The following KCTD1 variants were observed in gnomAD, a reference collection of about 807,000 sequenced individuals.
The protein encoded by KCTD1 is potassium channel tetramerization domain containing 1.
In KCTD1, 24 loss-of-function variants were observed where a neutral mutation model predicts 66.0. The ratio of observed to expected loss-of-function variants is 0.36; its 90% confidence interval spans 0.26 to 0.51. KCTD1 has a LOEUF of 0.51. Among genes scored for constraint, KCTD1 ranks in the 20% least tolerant of loss-of-function variants. The probability of loss-of-function intolerance (pLI) is 0.95; values close to 1 mark genes in which losing one functional copy is unlikely to be tolerated. For missense variants in KCTD1, 943 were observed against 1,205.2 expected (o/e 0.78, Z 3.22); for synonymous variants, 511 against 517.2 (o/e 0.99, Z 0.16).
At chr18:26,568,096 G>A (rs1986024253) in intron 1 of KCTD1, among the ~76,000 whole-genome samples, 3 of 152,066 alleles carry the variant, frequency 2.0e-5, no homozygotes, top group Admixed American at 2.0e-4. Flanking sequence ...ACTTAATGAA[G>A]CAAGATTAAT....
chr18:26,455,811 G>C lies in KCTD1; in HGVS notation c.2530C>G (p.Arg844Gly). 6.2e-7 allele frequency: 1 copy of C among 1,614,172 alleles called. No individual in the cohort carries two copies. Among genetic ancestry groups the C allele is most frequent in the Non-Finnish European group, 8.5e-7 (1 of 1,180,036 alleles). Residue 844 changes from arginine to glycine, a missense_variant, in exon 5 of 5, where the codon CGG becomes GGG. Physicochemically the swap from Arg to Gly is moderately radical, Grantham distance 125. Around this residue, in one of 10 missense-constraint regions of KCTD1, gnomAD observed 162 missense variants for 232.4 expected, o/e 0.70. Transcript: ENST00000580059. ...CGGGGCGTCCGCCTCAGTTCCCGCCGAAGGACGTATTCGCTGAACTGGGAC... is the reference window on the plus strand; with the variant it reads ...CGGGGCGTCCGCCTCAGTTCCCGCCCAAGGACGTATTCGCTGAACTGGGAC... Reference protein sequence around the residue: ...DSSQFSEYVLRRELRRTPRVP... With the variant: ...DSSQFSEYVLGRELRRTPRVP...
chr18:26,631,552 T>C (rs960195246), upstream of KCTD1, among the ~76,000 whole-genome samples: 2 of 152,156 alleles, frequency 1.3e-5, no homozygotes, highest in Non-Finnish European at 2.9e-5. Context: ...TGAAGCATCA[T>C]TATACAATGC....
rs753208387 is a variant in KCTD1 at position 26,546,904 on chromosome 18, C to T, written c.1633G>A (p.Glu545Lys). Residue 545 changes from glutamate (E) to lysine (K), a missense_variant, in exon 1 of 5, where the codon GAA (glutamate) becomes AAA (lysine). Physicochemically the swap from Glu to Lys is moderately conservative, Grantham distance 56. Coordinates refer to ENST00000580059, the MANE Select transcript of KCTD1 (RefSeq NM_001142730.3). ...TTGGGGGAAGTGGGGCCGCAGATTT[C>T]CCCCGACCCGAACACAGACTCGTAC... ...ALYESVFGSG[E>K]ICGPTSPKRL... 47 of 1,483,530 alleles carry T rather than the reference C, an allele frequency of 3.2e-5. No homozygotes were observed. The East Asian group carries it at 4.7e-4, about 15-fold the overall frequency. 91.9% of individuals were successfully genotyped at this position (1,483,530 alleles called of 1,614,324 possible).
chr18:26,619,054 T>C (rs1241539674), intron 1 of KCTD1, among the ~76,000 whole-genome samples: 2 of 152,246 alleles, frequency 1.3e-5, no homozygotes, highest in Non-Finnish European at 2.9e-5. Flanking sequence ...TTTGGCAGAA[T>C]TAGCATGATT....
At chr18:26,507,629 C>T (rs567512206) in intron 1 of KCTD1, among the ~76,000 whole-genome samples, 6 of 152,002 alleles carry the variant, frequency 3.9e-5, no homozygotes, top group African/African-American at 7.3e-5. Flanking sequence ...AAATGCCTTA[C>T]GACCCCTCAC....
intron 1 of KCTD1, among the ~76,000 whole-genome samples, chr18:26,520,454 T>C (rs1446791793): frequency 6.6e-6 from 1 of 152,240 alleles, no homozygotes; most frequent in African/African-American, 2.4e-5. Context: ...GTATAATCCT[T>C]GCTTTTTAAT....
intron 2 of KCTD1, among the ~76,000 whole-genome samples, chr18:26,485,373 C>G (rs1235829825): frequency 6.6e-6 from 1 of 152,228 alleles, no homozygotes; most frequent in Non-Finnish European, 1.5e-5. Context: ...GGCCATTCTG[C>G]TGCTCAGTAA....
Position 26,479,584 on chromosome 18 carries a change from G to A in KCTD1, c.1989-2925C>T, listed in dbSNP as rs1020883235. On this transcript the variant is annotated intron_variant, in intron 2 of 4. Coordinates refer to ENST00000580059, the MANE Select transcript of KCTD1 (RefSeq NM_001142730.3). ...AAGGGCTGGAAGGGAAGGGTGCTTG[G>A]GCCGCGGAGGCACAGGCCTGGCGGA... is the stretch of plus-strand genomic sequence containing the variant. Among the ~76,000 whole-genome samples the A allele has an allele frequency of 2.0e-4, 31 of 152,264 alleles. 1 individual carries two copies. Among genetic ancestry groups the A allele is most frequent in the African/African-American group, 6.3e-4 (26 of 41,468 alleles).
chr18:26,633,168 T>C (rs1829366287), upstream of KCTD1, among the ~76,000 whole-genome samples: 1 of 152,178 alleles, frequency 6.6e-6, no homozygotes, highest in African/African-American at 2.4e-5. Flanking sequence ...TCTAGAAGTC[T>C]TGGATATGAG....
In KCTD1 at chr18:26,547,667, G is replaced by A; in HGVS notation, c.870C>T (p.Arg290=). The A allele has an allele frequency of 6.4e-7, 1 of 1,551,440 alleles. No individual in the cohort carries two copies. Among genetic ancestry groups the A allele is most frequent in the East Asian group, 2.4e-5 (1 of 40,918 alleles). Residue 290 remains arginine, a synonymous_variant, in exon 1 of 5, where the codon CGC becomes CGT. Coordinates refer to ENST00000580059, the MANE Select transcript of KCTD1 (RefSeq NM_001142730.3). The part of the protein sequence containing the change: ...QKQAITRADL[R]KLYTSSVFST... ...TGAAGACGCTGGAGGTGTACAGCTT[G>A]CGCAGGTCGGCGCGCGTGATGGCTT... is the stretch of plus-strand genomic sequence containing the variant.
At chr18:26,619,951 T>C (rs1388167665) in intron 1 of KCTD1, among the ~76,000 whole-genome samples, 1 of 152,210 alleles carries the variant, frequency 6.6e-6, no homozygotes, top group Non-Finnish European at 1.5e-5. Flanking sequence ...TCCTAACTTA[T>C]CTTGCATTCT....
At position 26,601,326 on chromosome 18, in the gene KCTD1, T is replaced by TAAAAAAAA. The variant is rs61521451; in HGVS notation, c.-16+27813_-16+27820dup. On this transcript the variant is annotated intron_variant, in intron 1 of 4. Coordinates refer to the KCTD1 transcript ENST00000317932. ...GCCAGTAAATAAAAGTGTTCATTGG[T>TAAAAAAAA]AAAAAAAAAAAAAAAAAAAAAAAGA... 5.9e-3 allele frequency among the ~76,000 whole-genome samples: 548 copies of TAAAAAAAA among 93,070 alleles called. 4 individuals are homozygous for TAAAAAAAA. The highest frequency in any genetic ancestry group is 0.013 in the East Asian group (34 of 2,718). The allele number at this position is 93,070 out of a possible 152,430, so 61.1% of individuals were successfully genotyped here. A position where few individuals can be genotyped will look rare whatever the true frequency, so the allele number is the denominator to read the frequency against.
chr18:26,604,083 AT>A (rs66913487), intron 1 of KCTD1, among the ~76,000 whole-genome samples: 84,214 of 151,964 alleles, frequency 0.55, 23,487 homozygotes, highest in African/African-American at 0.63. Flanking sequence ...AGACAACCCC[AT>A]TTAAAAAGTG....
intron 1 of KCTD1, among the ~76,000 whole-genome samples, chr18:26,556,766 C>T (rs983529067): frequency 6.6e-6 from 1 of 152,192 alleles, no homozygotes; most frequent in African/African-American, 2.4e-5. Context: ...ACTTGCCCAA[C>T]CTCACAGAGT....
intron 1 of KCTD1, among the ~76,000 whole-genome samples, chr18:26,523,002 T>G (rs895051905): frequency 1.3e-5 from 2 of 152,098 alleles, no homozygotes; most frequent in Admixed American, 6.5e-5. Context: ...TGGGGTAACT[T>G]TTGGAGTTTG....
intron 1 of KCTD1, among the ~76,000 whole-genome samples, chr18:26,558,383 G>A (rs1006723240): frequency 1.3e-5 from 2 of 152,162 alleles, no homozygotes; most frequent in African/African-American, 4.8e-5. Flanking sequence ...AACCACTATG[G>A]AGAATAGTTT....
At chr18:26,505,999 C>T (rs1983014595) in intron 1 of KCTD1, among the ~76,000 whole-genome samples, 1 of 152,088 alleles carries the variant, frequency 6.6e-6, no homozygotes, top group South Asian at 2.1e-4. Context: ...CCTCAGCCTC[C>T]CGAGTAGCTG....
At chr18:26,618,848 A>G (rs1987313486) in intron 1 of KCTD1, among the ~76,000 whole-genome samples, 1 of 152,238 alleles carries the variant, frequency 6.6e-6, no homozygotes, top group Non-Finnish European at 1.5e-5. Flanking sequence ...TGCGTAGATG[A>G]ACTGCATTTA....
At chr18:26,471,127 A>G (rs1189397899) in intron 3 of KCTD1, among the ~76,000 whole-genome samples, 2 of 152,096 alleles carry the variant, frequency 1.3e-5, no homozygotes, top group African/African-American at 4.8e-5. Flanking sequence ...TTGAAGACAC[A>G]ACAAAGCCGA....
Sources: allele counts gnomAD v4.1 joint callset (sites outside exome capture counted in the v4.1 genomes callset), GRCh38; gene constraint gnomAD v4.1.1; regional missense constraint gnomAD v4.1.1; transcripts MANE v1.5; gene names NCBI Gene and HGNC (gene_info 2026-07-23, HGNC 2026-07-21).